The following MECOM variants were observed in gnomAD, a reference collection of about 807,000 sequenced individuals.
The protein encoded by MECOM is histone-lysine N-methyltransferase MECOM.
MECOM carries 13 observed loss-of-function variants against 116.3 expected under a neutral mutation model. The ratio of observed to expected loss-of-function variants is 0.11; its 90% CI spans 0.07 to 0.18. MECOM has a LOEUF of 0.18. MECOM is among the 10% of genes least tolerant of loss of function. MECOM has a pLI of 1.00. For missense variants in MECOM, 1,299 were observed against 1,509.0 expected (o/e 0.86, Z 2.31); for synonymous variants, 528 against 535.2 (o/e 0.99, Z 0.19).
At chr3:169,400,784 C>T (rs1332542328) in intron 1 of MECOM, among the ~76,000 whole-genome samples, 1 of 152,166 alleles carries the variant, frequency 6.6e-6, no homozygotes, top group African/African-American at 2.4e-5. Context: ...GGATTTCCCA[C>T]CTAAACAAAC....
intron 1 of MECOM, among the ~76,000 whole-genome samples, chr3:169,607,499 T>G (rs1768740990): frequency 6.6e-6 from 1 of 152,240 alleles, no homozygotes; most frequent in Non-Finnish European, 1.5e-5. Context: ...TTGAAAAAAT[T>G]TATTTTTCTC....
chr3:169,100,418 C>T (rs535106424), intron 12 of MECOM, among the ~76,000 whole-genome samples: 52 of 152,094 alleles, frequency 3.4e-4, no homozygotes, highest in African/African-American at 1.2e-3. Flanking sequence ...TCCTTTAAAC[C>T]TCCTATTGGA....
chr3:169,322,322 T>C (rs573729532), intron 2 of MECOM, among the ~76,000 whole-genome samples: 1 of 152,314 alleles, frequency 6.6e-6, no homozygotes, highest in Non-Finnish European at 1.5e-5. Flanking sequence ...TTTGGCCAGA[T>C]TGGGAATTAG....
chr3:169,298,944 G>A (rs1041449343), intron 2 of MECOM, among the ~76,000 whole-genome samples: 4 of 152,032 alleles, frequency 2.6e-5, no homozygotes, highest in African/African-American at 9.7e-5. Context: ...CTATAATAGG[G>A]GAAACTTAGA....
chr3:169,267,312 AGT>A (rs943909812), intron 2 of MECOM, among the ~76,000 whole-genome samples: 3 of 152,194 alleles, frequency 2.0e-5, no homozygotes, highest in Admixed American at 2.0e-4. Context: ...AAGTTGAAAA[AGT>A]GTTGATTGAG....
chr3:169,255,212 A>G (rs1205828791), intron 2 of MECOM, among the ~76,000 whole-genome samples: 1 of 152,224 alleles, frequency 6.6e-6, no homozygotes, highest in Non-Finnish European at 1.5e-5. Flanking sequence ...CCAAGTATCC[A>G]TGACACCGAG....
Position 169,663,420 on chromosome 3 carries a change from T to C in MECOM, c.-48A>G. ...CTGGTGTGTGGTTGGGGCTTTTTTT[T>C]CTTGGATCCTTTCCTTCTTTTGCTC... is the stretch of plus-strand genomic sequence containing the variant. On this transcript the variant is annotated 5_prime_UTR_variant, in exon 1 of 17. Coordinates refer to ENST00000651503, the MANE Select transcript of MECOM (RefSeq NM_004991.4). The C allele has an allele frequency of 1.3e-6, 2 of 1,583,684 alleles. No homozygotes were observed. The highest frequency in any genetic ancestry group is 1.7e-6 in the Non-Finnish European group (2 of 1,163,414).
intron 1 of MECOM, among the ~76,000 whole-genome samples, chr3:169,535,100 C>T (rs1759188802): frequency 6.6e-6 from 1 of 152,200 alleles, no homozygotes; most frequent in Admixed American, 6.5e-5. Flanking sequence ...CCAACTTTCC[C>T]TGAACTGCCT....
chr3:169,467,432 G>A (rs1748478363), intron 1 of MECOM, among the ~76,000 whole-genome samples: 1 of 152,098 alleles, frequency 6.6e-6, no homozygotes, highest in Admixed American at 6.6e-5. Flanking sequence ...GGAAAGCAAA[G>A]GAAAATATGA....
At chr3:169,159,533 G>A (rs1577212062) in intron 2 of MECOM, among the ~76,000 whole-genome samples, 1 of 152,014 alleles carries the variant, frequency 6.6e-6, no homozygotes, top group East Asian at 1.9e-4. Flanking sequence ...CATCCAGCCC[G>A]GGCAACAGTG....
chr3:169,378,467 A>AAGAAAGAAAG, intron 2 of MECOM, among the ~76,000 whole-genome samples: 1 of 50,992 alleles, frequency 2.0e-5, no homozygotes, highest in Non-Finnish European at 3.3e-5. Context: ...GCAAGCAAGC[A>AAGAAAGAAAG]AGCAAGCAAG....
At chr3:169,280,115 C>T (rs1415475441) in intron 2 of MECOM, among the ~76,000 whole-genome samples, 1 of 152,090 alleles carries the variant, frequency 6.6e-6, no homozygotes, top group African/African-American at 2.4e-5. Flanking sequence ...AATAAATTGG[C>T]AAGAAGGGAA....
intron 2 of MECOM, among the ~76,000 whole-genome samples, chr3:169,282,547 G>A (rs75487334): frequency 0.024 from 3,712 of 152,216 alleles, 105 homozygotes; most frequent in East Asian, 0.13. Context: ...GTAAAGGAAA[G>A]AGAAAGTATT....
chr3:169,554,311 G>C (rs1013624208), intron 1 of MECOM, among the ~76,000 whole-genome samples: 1 of 152,156 alleles, frequency 6.6e-6, no homozygotes, highest in Admixed American at 6.5e-5. Context: ...AAATGAACAC[G>C]TGCTGAGATT....
intron 9 of MECOM, among the ~76,000 whole-genome samples, chr3:169,109,020 G>A (rs909280949): frequency 6.6e-6 from 1 of 152,118 alleles, no homozygotes; most frequent in African/African-American, 2.4e-5. Context: ...AGGAATAATA[G>A]CCACTTTTAC....
chr3:169,361,175 C>T (rs1249205362), intron 2 of MECOM, among the ~76,000 whole-genome samples: 2 of 151,870 alleles, frequency 1.3e-5, no homozygotes, highest in Admixed American at 6.6e-5. Flanking sequence ...CCCTGCTCCA[C>T]CGCACTACAA....
intron 16 of MECOM, among the ~76,000 whole-genome samples, chr3:169,088,015 C>G (rs1361712643): frequency 6.6e-6 from 1 of 152,022 alleles, no homozygotes; most frequent in African/African-American, 2.4e-5. Context: ...TTGTATTATC[C>G]CATTGACACA....
chr3:169,399,825 A>G (rs915997142), intron 1 of MECOM, among the ~76,000 whole-genome samples: 6 of 152,200 alleles, frequency 3.9e-5, no homozygotes, highest in African/African-American at 1.4e-4. Flanking sequence ...CACCTATTAA[A>G]AGAGAAAAGT....
At chr3:169,486,074 C>T (rs1228255724) in intron 1 of MECOM, among the ~76,000 whole-genome samples, 1 of 139,272 alleles carries the variant, frequency 7.2e-6, no homozygotes, top group South Asian at 2.2e-4. Context: ...GAGACATCAC[C>T]AAGTTTGATG....
Sources: allele counts gnomAD v4.1 joint callset (sites outside exome capture counted in the v4.1 genomes callset), GRCh38; gene constraint gnomAD v4.1.1; transcripts MANE v1.5; gene names NCBI Gene and HGNC (gene_info 2026-07-23, HGNC 2026-07-21).